The following ENPP3 variants were observed in gnomAD, a reference collection of about 807,000 sequenced individuals.
ENPP3 encodes ectonucleotide pyrophosphatase/phosphodiesterase 3.
Under a neutral mutation model 117.8 loss-of-function variants are expected in ENPP3, and 104 were observed. That is an observed-to-expected ratio of 0.88 (90% CI 0.75 to 1.04). The LOEUF (loss-of-function observed/expected upper bound fraction) is 1.04. Ranked by LOEUF, ENPP3 falls within the 50% of genes least tolerant of loss-of-function variation. The probability of loss-of-function intolerance (pLI) is 0.00; values close to 1 mark genes in which losing one functional copy is unlikely to be tolerated. For synonymous variants in ENPP3, 380 were observed against 349.9 expected (o/e 1.09, Z -0.96); for missense variants, 1,026 against 1,051.9 (o/e 0.98, Z 0.34).
At chr6:131,697,008 A>G (rs1474325336) in intron 15 of ENPP3, among the ~76,000 whole-genome samples, 2 of 152,116 alleles carry the variant, frequency 1.3e-5, no homozygotes, top group South Asian at 4.1e-4. Context: ...TGACCTCATG[A>G]TCCGCCCTCC....
intron 5 of ENPP3, 126 bp downstream of exon 5, chr6:131,653,017 A>G (rs1778298482): frequency 3.4e-6 from 2 of 580,410 alleles, no homozygotes; most frequent in African/African-American, 3.7e-5. Context: ...AATAGTCCAC[A>G]AAGGATTAGA....
At chr6:131,676,911 C>A in intron 10 of ENPP3, 110 bp downstream of exon 10, 4 of 692,152 alleles carry the variant, frequency 5.8e-6, no homozygotes, top group South Asian at 5.3e-5. Context: ...TTCGAAACGA[C>A]GTGGCATTGC....
intron 6 of ENPP3, among the ~76,000 whole-genome samples, chr6:131,667,912 A>G (rs1778651418): frequency 6.6e-6 from 1 of 152,148 alleles, no homozygotes; most frequent in Non-Finnish European, 1.5e-5. Context: ...AAGGGATTGA[A>G]TGCATACTTG....
At position 131,737,393 on chromosome 6, in the gene ENPP3, A is replaced by G. The variant is rs1160145331; in HGVS notation, c.2128A>G (p.Ile710Val). The G allele has an allele frequency of 1.2e-6, 2 of 1,608,020 alleles. No homozygotes were observed. The highest frequency in any genetic ancestry group is 2.7e-5 in the African/African-American group (2 of 74,792). Residue 710 changes from isoleucine (I) to valine (V), a missense_variant, in exon 22 of 25, where the codon ATT (isoleucine) becomes GTT (valine). Transcript: ENST00000357639. ...RTSDSQYDAL[I>V]TSNLVPMYEE... The stretch of plus-strand genomic sequence containing the variant: ...ATCAGATAGCCAATATGATGCTTTA[A>G]TTACTAGCAATTTGGTACCTATGTA...
intron 19 of ENPP3, among the ~76,000 whole-genome samples, chr6:131,724,676 T>C (rs1363337312): frequency 1.3e-5 from 2 of 152,222 alleles, no homozygotes; most frequent in East Asian, 3.8e-4. Context: ...AGTTAATATA[T>C]GTGCCTGGTT....
At chr6:131,734,991 A>T (rs1458052195) in intron 21 of ENPP3, among the ~76,000 whole-genome samples, 1 of 152,104 alleles carries the variant, frequency 6.6e-6, no homozygotes, top group Non-Finnish European at 1.5e-5. Flanking sequence ...GATATTAGTT[A>T]ATACATCAAT....
chr6:131,730,674 G>A (rs1293834793), intron 20 of ENPP3, among the ~76,000 whole-genome samples: 1 of 152,160 alleles, frequency 6.6e-6, no homozygotes, highest in Non-Finnish European at 1.5e-5. Flanking sequence ...CCAGCACTTT[G>A]GGACGCTGAG....
rs770306339 is a variant in ENPP3, at chr6:131,733,649, C to A, written c.2015C>A (p.Pro672His). The A allele has an allele frequency of 6.2e-7, 1 of 1,614,166 alleles. No individual in the cohort carries two copies. The highest frequency in any genetic ancestry group is 8.5e-7 in the Non-Finnish European group (1 of 1,180,004). Residue 672 changes from proline to histidine, a missense_variant, in exon 21 of 25, where the codon CCT becomes CAT. Pro to His is a moderately conservative substitution (Grantham distance 77). Transcript: ENST00000357639. ...PDCLRADVRV[P>H]PSESQKCSFY... ...TGTCTGCGGGCTGATGTCAGGGTTC[C>A]TCCTTCTGAGAGCCAAAAATGTTCC... is the stretch of plus-strand genomic sequence containing the variant.
intron 19 of ENPP3, among the ~76,000 whole-genome samples, chr6:131,724,365 G>A (rs1176421115): frequency 6.6e-6 from 1 of 152,180 alleles, no homozygotes; most frequent in Non-Finnish European, 1.5e-5. Context: ...TTAGATGTAA[G>A]CAGACTGAGC....
intron 2 of ENPP3, among the ~76,000 whole-genome samples, chr6:131,646,972 C>CTTT (rs747724228): frequency 2.4e-5 from 3 of 127,646 alleles, no homozygotes; most frequent in Non-Finnish European, 3.3e-5. Flanking sequence ...CAACCAGCTA[C>CTTT]TTTTTTTTTT....
At chr6:131,688,079 T>C (rs1166862807) in intron 14 of ENPP3, among the ~76,000 whole-genome samples, 1 of 152,210 alleles carries the variant, frequency 6.6e-6, no homozygotes, top group Non-Finnish European at 1.5e-5. Context: ...TTGTTAATTC[T>C]CACAGTACTT....
intron 1 of ENPP3, among the ~76,000 whole-genome samples, chr6:131,639,269 T>A (rs868727543): frequency 5.2e-5 from 7 of 133,334 alleles, no homozygotes; most frequent in African/African-American, 1.7e-4. Context: ...ATATATATTT[T>A]TTTTTTTTTC....
intron 14 of ENPP3, 121 bp downstream of exon 14, chr6:131,686,028 C>T: frequency 4.2e-6 from 2 of 473,412 alleles, no homozygotes; most frequent in Admixed American, 4.0e-5. Flanking sequence ...ATTTCTAAAC[C>T]TTCCATCAAC....
chr6:131,678,553 C>G (rs1254008830), intron 11 of ENPP3, among the ~76,000 whole-genome samples: 1 of 152,212 alleles, frequency 6.6e-6, no homozygotes, highest in African/African-American at 2.4e-5. Context: ...CCGCTAAAGC[C>G]TCTATTGTCT....
chr6:131,686,039 A>G (rs1363774513), intron 14 of ENPP3, 132 bp downstream of exon 14: 3 of 465,800 alleles, frequency 6.4e-6, no homozygotes, highest in Non-Finnish European at 7.9e-6. Flanking sequence ...TTCCATCAAC[A>G]TTATTTTATA....
intron 24 of ENPP3, among the ~76,000 whole-genome samples, chr6:131,743,823 T>C (rs1175452028): frequency 1.0e-5 from 1 of 99,710 alleles, no homozygotes; most frequent in African/African-American, 4.7e-5. Flanking sequence ...AGACTCTGTC[T>C]CAAAATAAAA....
intron 24 of ENPP3, among the ~76,000 whole-genome samples, chr6:131,742,655 C>T (rs1562485732): frequency 6.6e-6 from 1 of 152,046 alleles, no homozygotes; most frequent in Non-Finnish European, 1.5e-5. Context: ...AACTTCCAGC[C>T]TGTACTTAAG....
At chr6:131,649,836 A>G (rs185460861) in intron 2 of ENPP3, among the ~76,000 whole-genome samples, 191 bp from the exon 3 acceptor site, 2 of 152,328 alleles carry the variant, frequency 1.3e-5, no homozygotes, top group East Asian at 3.9e-4. Context: ...TATTACAGGC[A>G]TGAGCCATGG....
chr6:131,651,531 C>T (rs949923932), intron 3 of ENPP3, among the ~76,000 whole-genome samples: 4 of 152,174 alleles, frequency 2.6e-5, no homozygotes, highest in Non-Finnish European at 5.9e-5. Context: ...CAATAAAACT[C>T]TCTGGGAAAG....
Sources: gnomAD v4.1 joint callset for allele counts (sites outside exome capture counted in the v4.1 genomes callset) on GRCh38, gnomAD v4.1.1 for gene constraint, MANE v1.5 for transcripts, NCBI Gene and HGNC (gene_info 2026-07-23, HGNC 2026-07-21) for gene names.